ASZ1: variants seen among roughly 807,000 people sequenced by gnomAD.
ASZ1 encodes the protein ankyrin repeat, SAM and basic leucine zipper domain containing 1, also known as ankyrin repeat, SAM and basic leucine zipper domain-containing protein 1.
Under a neutral mutation model 61.8 loss-of-function variants are expected in ASZ1, and 67 were observed. The observed-to-expected ratio is 1.08, with a 90% CI of 0.89 to 1.33. ASZ1 has a LOEUF of 1.33. Ranked by LOEUF, ASZ1 falls within the 40% of genes most tolerant of loss-of-function variation. ASZ1 has a pLI of 0.00. For synonymous variants in ASZ1, 193 were observed against 192.7 expected (o/e 1.00, Z -0.01); for missense variants, 577 against 554.5 (o/e 1.04, Z -0.41).
intron 12 of ASZ1, among the ~76,000 whole-genome samples, chr7:117,366,606 A>G (rs188447883): frequency 6.6e-6 from 1 of 151,508 alleles, no homozygotes; most frequent in Non-Finnish European, 1.5e-5. Flanking sequence ...GTTATAGCCA[A>G]TTTTTTTTAA....
At chr7:117,403,682 T>C (rs902828291) in intron 4 of ASZ1, among the ~76,000 whole-genome samples, 2 of 152,174 alleles carry the variant, frequency 1.3e-5, no homozygotes, top group Non-Finnish European at 2.9e-5. Context: ...TCTATTGCTG[T>C]TATAGGTCCT....
intron 4 of ASZ1, among the ~76,000 whole-genome samples, chr7:117,414,623 T>G (rs1052357727): frequency 7.2e-5 from 11 of 152,172 alleles, no homozygotes; most frequent in Non-Finnish European, 1.5e-4. Flanking sequence ...CCTAATGCTA[T>G]CCCTCTCCCA....
At chr7:117,404,972 T>C (rs1424784279) in intron 4 of ASZ1, among the ~76,000 whole-genome samples, 1 of 152,174 alleles carries the variant, frequency 6.6e-6, no homozygotes, top group Non-Finnish European at 1.5e-5. Context: ...TGTTTGAACC[T>C]ATTTCCCAGT....
chr7:117,370,322 G>A (rs554308643), intron 10 of ASZ1, among the ~76,000 whole-genome samples: 37 of 152,288 alleles, frequency 2.4e-4, no homozygotes, highest in African/African-American at 8.2e-4. Flanking sequence ...TGTGAAGAAG[G>A]GAGAGTTGAT....
chr7:117,391,493 G>GA (rs1796466833), intron 4 of ASZ1, among the ~76,000 whole-genome samples: 1 of 152,158 alleles, frequency 6.6e-6, no homozygotes, highest in Non-Finnish European at 1.5e-5. Context: ...ATGGTAAGAG[G>GA]TAGGGATCCA....
intron 12 of ASZ1, among the ~76,000 whole-genome samples, chr7:117,365,790 T>C (rs1181043231): frequency 1.3e-5 from 2 of 152,234 alleles, no homozygotes; most frequent in Non-Finnish European, 2.9e-5. Context: ...CAGTCTTATG[T>C]TTGTTGAATG....
intron 4 of ASZ1, among the ~76,000 whole-genome samples, chr7:117,400,508 A>AGCAGTAT (rs2116500084): frequency 6.6e-6 from 1 of 152,344 alleles, no homozygotes; most frequent in African/African-American, 2.4e-5. Context: ...ATTAGCAGAA[A>AGCAGTAT]GCAGTAACTT....
At chr7:117,425,458 C>T (rs1195313819) in intron 2 of ASZ1, among the ~76,000 whole-genome samples, 1 of 151,256 alleles carries the variant, frequency 6.6e-6, no homozygotes, top group Non-Finnish European at 1.5e-5. Context: ...TTAGTAGAGA[C>T]GGGGTTTCAC....
intron 2 of ASZ1, among the ~76,000 whole-genome samples, chr7:117,425,578 A>G (rs1029204197): frequency 3.9e-5 from 6 of 151,918 alleles, no homozygotes; most frequent in Non-Finnish European, 5.9e-5. Context: ...AGTAATTTCA[A>G]TCATTATAAT....
At chr7:117,378,504 G>A (rs1245000361) in intron 10 of ASZ1, among the ~76,000 whole-genome samples, 1 of 151,968 alleles carries the variant, frequency 6.6e-6, no homozygotes, top group African/African-American at 2.4e-5. Context: ...CATCAGAAAT[G>A]GCTAAAAAAA....
rs748730818 is a variant in ASZ1, at chr7:117,381,027, T to C, written c.929A>G (p.Glu310Gly). 4.4e-6 allele frequency: 7 copies of C among 1,598,274 alleles called. No individual in the cohort carries two copies. The Admixed American group carries it at 8.7e-5, about 20-fold the overall frequency. The change falls in exon 9 of 13, where the codon GAA becomes GGA. Residue 310 changes from glutamate (E) to glycine (G), a missense_variant. Glu to Gly is a moderately conservative substitution (Grantham distance 98). Transcript: ENST00000284629. ...ITLRHLLTMR[E>G]DEFTKNGITS... ...GATACTAACCTTTGTAAATTCATCT[T>C]CCCTCATGGTCAAAAGATGTCTTAA...
intron 3 of ASZ1, among the ~76,000 whole-genome samples, 159 bp from the exon 4 acceptor site, chr7:117,420,433 A>G (rs1355375043): frequency 6.6e-6 from 1 of 152,240 alleles, no homozygotes; most frequent in Non-Finnish European, 1.5e-5. Context: ...CTTCATCGAA[A>G]GATGAGATTA....
At position 117,384,870 on chromosome 7, in the gene ASZ1, G is replaced by C. The variant is rs1447465869; in HGVS notation, c.553-10C>G. The stretch of plus-strand genomic sequence containing the variant: ...CTGCCCACGTTAAAGCCTGTAAGTA[G>C]GGGGAAAAGAAGATTGTTTAAAGAG... On this transcript the variant is annotated splice_polypyrimidine_tract_variant and intron_variant, in intron 5 of 12. Transcript: ENST00000284629. 3 of 1,557,246 alleles carry C rather than the reference G, an allele frequency of 1.9e-6. No individual in the cohort carries two copies. The highest frequency in any genetic ancestry group is 1.7e-6 in the Non-Finnish European group (2 of 1,158,966).
intron 10 of ASZ1, among the ~76,000 whole-genome samples, chr7:117,378,198 C>T (rs1271205369): frequency 6.6e-6 from 1 of 151,906 alleles, no homozygotes; most frequent in African/African-American, 2.4e-5. Context: ...GTAACTTAGA[C>T]CTCATCAAAA....
Position 117,427,020 on chromosome 7 carries a change from A to G in ASZ1, c.106-85T>C, listed in dbSNP as rs917079201. 5.2e-6 allele frequency: 7 copies of G among 1,346,554 alleles called. No homozygotes were observed. In the African/African-American group the frequency reaches 1.0e-4, roughly 20 times the overall value. The allele number at this position is 1,346,554 out of a possible 1,614,324, so 83.4% of individuals were successfully genotyped here. Reference sequence around the variant, plus strand: ...AGGAAACAATAATGTTTGGTTAAGTACACAGGTTTTTTTTCTTGGCTTTAT... The same window carrying G: ...AGGAAACAATAATGTTTGGTTAAGTGCACAGGTTTTTTTTCTTGGCTTTAT... On this transcript the variant is annotated intron_variant, in intron 1 of 12. Transcript: ENST00000284629.
In ASZ1 at chr7:117,385,301, C is replaced by T. The variant is rs570021606; in HGVS notation, c.552+397G>A. Among the ~76,000 whole-genome samples the T allele has an allele frequency of 1.6e-4, 25 of 151,760 alleles. No individual in the cohort carries two copies. The South Asian group carries it at 5.2e-3, about 32-fold the overall frequency. ...TGAGATGGAGTTTCGCTCTTGTTGC[C>T]CAGGCTGAAGTGCAGTGGTGCGATC... On this transcript the variant is annotated intron_variant, in intron 5 of 12. Transcript: ENST00000284629.
chr7:117,425,215 T>C (rs1319795306), intron 2 of ASZ1, among the ~76,000 whole-genome samples: 2 of 151,904 alleles, frequency 1.3e-5, no homozygotes, highest in Non-Finnish European at 2.9e-5. Context: ...CAATTATTTT[T>C]GCATCAAACT....
chr7:117,425,942 C>T (rs10953845), intron 2 of ASZ1, among the ~76,000 whole-genome samples: 56,849 of 151,658 alleles, frequency 0.37, 10,772 homozygotes, highest in South Asian at 0.46. Flanking sequence ...TTGCAGTGAG[C>T]GAAGATGGTG....
chr7:117,400,231 G>A (rs542055602), intron 4 of ASZ1, among the ~76,000 whole-genome samples: 4 of 152,154 alleles, frequency 2.6e-5, no homozygotes, highest in East Asian at 1.9e-4. Context: ...AGGAAATTTC[G>A]ACAATGATAA....
Sources: allele counts gnomAD v4.1 joint callset (sites outside exome capture counted in the v4.1 genomes callset), GRCh38; gene constraint gnomAD v4.1.1; transcripts MANE v1.5; gene names NCBI Gene and HGNC (gene_info 2026-07-23, HGNC 2026-07-21).